MYO1B: variants seen among roughly 807,000 people sequenced by gnomAD.
The protein encoded by MYO1B is unconventional myosin-Ib.
MYO1B carries 72 observed loss-of-function variants against 159.7 expected under a neutral mutation model. That is an observed-to-expected ratio of 0.45 (90% confidence interval 0.37 to 0.55). MYO1B has a LOEUF of 0.55. MYO1B is among the 20% of genes least tolerant of loss of function. The pLI is 0.00. For synonymous variants in MYO1B, 468 were observed against 473.8 expected (o/e 0.99, Z 0.16); for missense variants, 1,062 against 1,364.8 (o/e 0.78, Z 3.50).
chr2:191,293,909 A>C (rs1401295327), intron 2 of MYO1B, among the ~76,000 whole-genome samples: 1 of 152,206 alleles, frequency 6.6e-6, no homozygotes, highest in Non-Finnish European at 1.5e-5. Context: ...TAGGCTGATT[A>C]AAATACTAAG....
chr2:191,313,192 C>CTTTGTTTTTT (rs1690117840), intron 3 of MYO1B, among the ~76,000 whole-genome samples: 1 of 42,992 alleles, frequency 2.3e-5, no homozygotes, highest in African/African-American at 1.1e-4. Flanking sequence ...GCACACATGG[C>CTTTGTTTTTT]TTTTTTTTTT....
chr2:191,354,375 A>C (rs2125992405), intron 7 of MYO1B, among the ~76,000 whole-genome samples: 1 of 152,020 alleles, frequency 6.6e-6, no homozygotes, highest in African/African-American at 2.4e-5. Context: ...AGTTTTGTTG[A>C]GAAATAAAGC....
chr2:191,331,706 G>A (rs1691488710), intron 4 of MYO1B, among the ~76,000 whole-genome samples: 1 of 152,142 alleles, frequency 6.6e-6, no homozygotes, highest in Non-Finnish European at 1.5e-5. Flanking sequence ...TAGTAGGGGA[G>A]ATAAACAATA....
intron 11 of MYO1B, among the ~76,000 whole-genome samples, chr2:191,364,883 G>A (rs1386973045): frequency 6.6e-6 from 1 of 152,192 alleles, no homozygotes; most frequent in Admixed American, 6.5e-5. Flanking sequence ...ACAATCAAGG[G>A]TGATTTAATG....
intron 4 of MYO1B, among the ~76,000 whole-genome samples, chr2:191,334,643 G>A (rs1458330911): frequency 6.6e-6 from 1 of 152,020 alleles, no homozygotes; most frequent in East Asian, 1.9e-4. Context: ...TTTATCAGAA[G>A]CTGGAAAATG....
At chr2:191,340,215 C>G (rs62181190) in intron 4 of MYO1B, among the ~76,000 whole-genome samples, 1 of 151,806 alleles carries the variant, frequency 6.6e-6, no homozygotes, top group Non-Finnish European at 1.5e-5. Flanking sequence ...AAAACAGATT[C>G]CATAGAAAAT....
chr2:191,287,866 C>CTT (rs11324783), intron 2 of MYO1B, among the ~76,000 whole-genome samples: 1 of 142,410 alleles, frequency 7.0e-6, no homozygotes, highest in Non-Finnish European at 1.5e-5. Context: ...TGATCTCAGT[C>CTT]TTTTTTTTTT....
rs543851273 is a variant in MYO1B, at chr2:191,402,453, T to G, written c.2470-179T>G. On this transcript the variant is annotated intron_variant, in intron 23 of 30. Coordinates refer to ENST00000392318, the MANE Select transcript of MYO1B (RefSeq NM_001130158.3). ...ACAGAATCTCAGTGCACTGAAAATATAAGCGCTGCACCAGCCTGACACCAA... is the reference window on the plus strand; with the variant it reads ...ACAGAATCTCAGTGCACTGAAAATAGAAGCGCTGCACCAGCCTGACACCAA... 52 of 603,392 alleles carry G rather than the reference T, an allele frequency of 8.6e-5. No individual in the cohort carries two copies. In the African/African-American group the frequency reaches 9.5e-4, roughly 11 times the overall value. The allele number at this position is 603,392 out of a possible 1,614,324, so 37.4% of individuals were successfully genotyped here. A position where few individuals can be genotyped will look rare whatever the true frequency, so the allele number is the denominator to read the frequency against.
At chr2:191,258,748 G>A (rs1410131773) in intron 1 of MYO1B, among the ~76,000 whole-genome samples, 2 of 152,162 alleles carry the variant, frequency 1.3e-5, no homozygotes, top group African/African-American at 2.4e-5. Flanking sequence ...GGATCAAGTC[G>A]TTGGGTTTAG....
At position 191,383,496 on chromosome 2, in the gene MYO1B, A is replaced by G. The variant is rs544950483; in HGVS notation, c.1353+154A>G. On this transcript the variant is annotated intron_variant, in intron 15 of 30. Transcript: ENST00000392318. ...TATACACACACACATATATATGTGT[A>G]TATATATATATATACACGTACACAC... Among the ~76,000 whole-genome samples the G allele has an allele frequency of 8.5e-4, 96 of 113,516 alleles. 2 individuals carry two copies. The highest frequency in any genetic ancestry group is 1.5e-3 in the South Asian group (5 of 3,282). 74.5% of individuals were successfully genotyped at this position (113,516 alleles called of 152,430 possible). A position where few individuals can be genotyped will look rare whatever the true frequency, so the allele number is the denominator to read the frequency against.
At chr2:191,392,321 G>A (rs1574588985) in intron 19 of MYO1B, 120 bp downstream of exon 19, 1 of 625,018 alleles carries the variant, frequency 1.6e-6, no homozygotes, top group Non-Finnish European at 2.7e-6. Flanking sequence ...CAAAACACTT[G>A]TGTGTTTATC....
chr2:191,341,717 T>C, intron 5 of MYO1B, 152 bp downstream of exon 5: 3 of 567,216 alleles, frequency 5.3e-6, no homozygotes, highest in Non-Finnish European at 9.4e-6. Flanking sequence ...ATAAGCCGTG[T>C]TCTAGAACCT....
At chr2:191,419,780 A>G (rs1014221028) in intron 30 of MYO1B, among the ~76,000 whole-genome samples, 1 of 152,162 alleles carries the variant, frequency 6.6e-6, no homozygotes, top group African/African-American at 2.4e-5. Context: ...CAAAAAGTTT[A>G]AAAAGTAAAA....
intron 2 of MYO1B, among the ~76,000 whole-genome samples, chr2:191,281,002 G>T (rs907451413): frequency 1.3e-5 from 2 of 152,206 alleles, no homozygotes; most frequent in Admixed American, 1.3e-4. Flanking sequence ...CTGGAGCATG[G>T]TCGAAGTCCT....
chr2:191,390,476 T>G lies in MYO1B; in HGVS notation c.1966T>G (p.Trp656Gly). The G allele has an allele frequency of 6.2e-6, 10 of 1,613,844 alleles. No homozygotes were observed. The highest frequency in any genetic ancestry group is 8.5e-6 in the Non-Finnish European group (10 of 1,179,870). Residue 656 changes from tryptophan (W) to glycine (G), a missense_variant, in exon 18 of 31, where the codon TGG (tryptophan) becomes GGG (glycine). Trp to Gly is a radical substitution (Grantham distance 184). Around this residue, in one of 5 missense-constraint regions of MYO1B, gnomAD observed 609 missense variants for 744.4 expected, o/e 0.82. Coordinates refer to ENST00000392318, the MANE Select transcript of MYO1B (RefSeq NM_001130158.3). Reference sequence around the variant, plus strand: ...GCTTTGTAAACAAACATGGCCTCATTGGAAAGGACCAGCCAGGTAAGAAAT... The same window carrying G: ...GCTTTGTAAACAAACATGGCCTCATGGGAAAGGACCAGCCAGGTAAGAAAT... ...KMLCKQTWPH[W>G]KGPARSGVEV...
At chr2:191,351,264 G>A (rs79417926) in intron 7 of MYO1B, among the ~76,000 whole-genome samples, 2,841 of 151,686 alleles carry the variant, frequency 0.019, 105 homozygotes, top group East Asian at 0.18. Flanking sequence ...GTGGCATTTC[G>A]TCTTCAAAGG....
At chr2:191,400,610 G>A in intron 22 of MYO1B, 139 bp from the exon 23 acceptor site, 5 of 1,323,958 alleles carry the variant, frequency 3.8e-6, no homozygotes, top group Non-Finnish European at 2.1e-6. Context: ...CCAACATTTT[G>A]TTGTGGGGTG....
chr2:191,380,009 G>A (rs1415715241), intron 13 of MYO1B, among the ~76,000 whole-genome samples: 2 of 152,254 alleles, frequency 1.3e-5, no homozygotes, highest in South Asian at 2.1e-4. Context: ...TTGCCTTTTA[G>A]TAAGACTCTT....
chr2:191,387,478 G>C (rs779377849), intron 17 of MYO1B, 28 bp downstream of exon 17: 6 of 1,586,230 alleles, frequency 3.8e-6, no homozygotes, highest in Non-Finnish European at 5.2e-6. Context: ...AACTTTCACA[G>C]TTCAAATGTG....
Sources: gnomAD v4.1 joint callset for allele counts (sites outside exome capture counted in the v4.1 genomes callset) on GRCh38, gnomAD v4.1.1 for gene constraint, gnomAD v4.1.1 regional missense constraint, MANE v1.5 for transcripts, NCBI Gene and HGNC (gene_info 2026-07-23, HGNC 2026-07-21) for gene names.